Variants in FAM200B observed in about 807,000 individuals in gnomAD.
FAM200B encodes the protein zinc finger BED-type containing 11.
FAM200B carries 32 observed loss-of-function variants against 33.1 expected under a neutral mutation model. The ratio of observed to expected loss-of-function variants is 0.97; its 90% CI spans 0.73 to 1.30. The LOEUF (loss-of-function observed/expected upper bound fraction) is 1.30. Ranked by LOEUF, FAM200B falls within the 50% of genes most tolerant of loss-of-function variation. The pLI is 0.00. For missense variants in FAM200B, 741 were observed against 754.0 expected (o/e 0.98, Z 0.20); for synonymous variants, 240 against 264.8 (o/e 0.91, Z 0.91).
chr4:15,644,650 T>A, the FAM200B span: 1 of 1,614,070 alleles, frequency 6.2e-7, no homozygotes, highest in Non-Finnish European at 8.5e-7. Flanking sequence ...GAAAGTAGCA[T>A]ACAAAGACTG....
the FAM200B span, chr4:15,655,160 C>T: frequency 8.2e-6 from 11 of 1,337,816 alleles, no homozygotes; most frequent in Non-Finnish European, 1.1e-5. Context: ...CGCTCCCCAT[C>T]GCCGCCCGCA....
chr4:15,664,137 A>G, the FAM200B span, among the ~76,000 whole-genome samples: 2 of 152,220 alleles, frequency 1.3e-5, no homozygotes, highest in East Asian at 3.8e-4. Context: ...TACTGCTTCT[A>G]GAGATTTTGG....
the FAM200B span, among the ~76,000 whole-genome samples, chr4:15,650,661 C>CTTTT: frequency 1.9e-3 from 144 of 77,796 alleles, no homozygotes; most frequent in African/African-American, 3.8e-3. Flanking sequence ...AACTGACTTT[C>CTTTT]TTTTTTTTTT....
chr4:15,665,761 A>C, the FAM200B span, among the ~76,000 whole-genome samples: 3 of 152,024 alleles, frequency 2.0e-5, no homozygotes, highest in Admixed American at 2.0e-4. Flanking sequence ...CCCCCAGTCC[A>C]AAATTCTTAA....
At position 15,682,931 on chromosome 4, in the gene FAM200B, G is replaced by C. The variant is rs139054204; in HGVS notation, c.-743+1030G>C. ...ATGTGATGAAGGAGAAACCTGGAAA[G>C]ATGAGGCTTAAGCTTAAAGGATATT... On this transcript the variant is annotated intron_variant, in intron 1 of 1. Coordinates refer to ENST00000422728, the MANE Select transcript of FAM200B (RefSeq NM_001145191.2). Among the ~76,000 whole-genome samples, 363 of 152,340 alleles carry C rather than the reference G, an allele frequency of 2.4e-3. 1 individual carries two copies. Among genetic ancestry groups the C allele is most frequent in the Non-Finnish European group, 4.3e-3 (292 of 68,018 alleles).
intron 1 of FAM200B, among the ~76,000 whole-genome samples, chr4:15,684,115 C>T (rs535632142): frequency 8.2e-4 from 125 of 152,222 alleles, no homozygotes; most frequent in Non-Finnish European, 1.6e-3. Context: ...GCCATGTAGC[C>T]GCAGGAGCCA....
the FAM200B span, chr4:15,638,776 C>T: frequency 4.9e-5 from 42 of 852,314 alleles, no homozygotes; most frequent in African/African-American, 5.0e-4. Context: ...ATTAATGGCT[C>T]GAATGTCGTA....
In FAM200B at chr4:15,687,664, T is replaced by G. The variant is rs1719005081; in HGVS notation, c.687T>G (p.Leu229=). 4 of 1,551,126 alleles carry G rather than the reference T, an allele frequency of 2.6e-6. No individual in the cohort carries two copies. The South Asian group carries it at 4.8e-5, about 18-fold the overall frequency. ...CTGGTATAGATTTTGCAATCCAGCT[T>G]GATGAAAGCACTGATATTGGAAGCT... The part of the protein sequence containing the change: ...LQSGIDFAIQ[L]DESTDIGSCT... The change falls in exon 2 of 2, where the codon CTT becomes CTG. Residue 229 remains leucine, a synonymous_variant. Coordinates refer to ENST00000422728, the MANE Select transcript of FAM200B (RefSeq NM_001145191.2).
At chr4:15,650,726 C>T in the FAM200B span, among the ~76,000 whole-genome samples, 110 of 136,540 alleles carry the variant, frequency 8.1e-4, 1 homozygote, top group African/African-American at 2.8e-3. Flanking sequence ...GGAGTGCAAT[C>T]GCCAATTCCA....
At position 15,688,054 on chromosome 4, in the gene FAM200B, C is replaced by T. The variant is rs1177061862; in HGVS notation, c.1077C>T (p.Ser359=). The T allele has an allele frequency of 3.2e-6, 5 of 1,550,990 alleles. No individual in the cohort carries two copies. Among genetic ancestry groups the T allele is most frequent in the African/African-American group, 2.7e-5 (2 of 72,984 alleles). The change falls in exon 2 of 2, where the codon AGC becomes AGT. Residue 359 remains serine (S), a synonymous_variant. Coordinates refer to ENST00000422728, the MANE Select transcript of FAM200B (RefSeq NM_001145191.2). ...AAGTTGTTAATTTTATTAAAGGAAG[C>T]TCATTGAATAGCCGGCTTCTTGAAA... ...AVKVVNFIKG[S]SLNSRLLETF... is the part of the protein sequence containing the mutation.
At chr4:15,662,716 T>G in the FAM200B span, among the ~76,000 whole-genome samples, 1 of 152,234 alleles carries the variant, frequency 6.6e-6, no homozygotes, top group Non-Finnish European at 1.5e-5. Flanking sequence ...ATCAATCCAT[T>G]CAATCCATTA....
chr4:15,662,855 T>C, the FAM200B span, among the ~76,000 whole-genome samples: 2 of 152,184 alleles, frequency 1.3e-5, no homozygotes, highest in Non-Finnish European at 2.9e-5. Context: ...CTAAACATTA[T>C]TCCCAGATTT....
chr4:15,655,856 C>G, the FAM200B span, among the ~76,000 whole-genome samples: 25 of 152,336 alleles, frequency 1.6e-4, no homozygotes, highest in South Asian at 5.2e-3. Flanking sequence ...CGAGCGCAGA[C>G]CACCCCGGCC....
upstream of FAM200B, chr4:15,681,662 G>C (rs1327709746): frequency 1.3e-5 from 2 of 152,628 alleles, no homozygotes; most frequent in Admixed American, 1.3e-4. Context: ...CCGACAGAGC[G>C]TAGGGAAGTG....
the FAM200B span, among the ~76,000 whole-genome samples, chr4:15,660,387 A>T: frequency 6.6e-6 from 1 of 152,162 alleles, no homozygotes; most frequent in Non-Finnish European, 1.5e-5. Flanking sequence ...CAGCCCCGAC[A>T]TTGTTTTAAA....
At chr4:15,659,609 G>T in the FAM200B span, 1 of 289,036 alleles carries the variant, frequency 3.5e-6, no homozygotes, top group Non-Finnish European at 5.2e-6. Context: ...TAAAATCATA[G>T]TCTCTTTCAT....
the FAM200B span, chr4:15,641,559 T>A: frequency 2.2e-6 from 1 of 454,708 alleles, no homozygotes; most frequent in South Asian, 1.6e-5. Context: ...ATTTTACATA[T>A]AATACATGAA....
the FAM200B span, chr4:15,655,353 G>C: frequency 1.7e-5 from 21 of 1,211,440 alleles, no homozygotes; most frequent in Middle Eastern, 3.1e-4. Context: ...CCCTCGCCGC[G>C]GGGCAGAGGC....
chr4:15,643,610 T>G, the FAM200B span, among the ~76,000 whole-genome samples: 1 of 152,318 alleles, frequency 6.6e-6, no homozygotes, highest in Admixed American at 6.5e-5. Flanking sequence ...TTTCACTATG[T>G]TGGCCAGGCT....
Sources: gnomAD v4.1 joint callset for allele counts (sites outside exome capture counted in the v4.1 genomes callset) on GRCh38, gnomAD v4.1.1 for gene constraint, MANE v1.5 for transcripts, NCBI Gene and HGNC (gene_info 2026-07-23, HGNC 2026-07-21) for gene names.